The following ROBO1 variants were observed in gnomAD, a reference collection of about 807,000 sequenced individuals.
ROBO1 encodes roundabout guidance receptor 1.
ROBO1 carries 149 observed loss-of-function variants against 195.9 expected under a neutral mutation model. That is an observed-to-expected ratio of 0.76 (90% CI 0.67 to 0.87). The LOEUF is 0.87. Among genes scored for constraint, ROBO1 ranks in the 40% least tolerant of loss-of-function variants. The pLI, the probability that ROBO1 is intolerant of heterozygous loss-of-function variation, is 0.00. For missense variants in ROBO1, 1,933 were observed against 2,068.3 expected (o/e 0.93, Z 1.27); for synonymous variants, 816 against 733.2 (o/e 1.11, Z -1.82).
chr3:79,548,684 T>G (rs944587923), intron 2 of ROBO1, among the ~76,000 whole-genome samples: 4 of 152,204 alleles, frequency 2.6e-5, no homozygotes, highest in African/African-American at 7.2e-5. Flanking sequence ...TGTGGTATAT[T>G]ATATGCACCT....
chr3:79,068,347 C>A (rs1158185236), intron 3 of ROBO1, among the ~76,000 whole-genome samples: 1 of 151,848 alleles, frequency 6.6e-6, no homozygotes, highest in Non-Finnish European at 1.5e-5. Flanking sequence ...AGGGTTTTTA[C>A]CCGTGTTCCT....
intron 1 of ROBO1, among the ~76,000 whole-genome samples, 171 bp from the exon 2 acceptor site, chr3:79,590,132 C>T (rs903697261): frequency 6.6e-6 from 1 of 151,576 alleles, no homozygotes; most frequent in Non-Finnish European, 1.5e-5. Context: ...TTTCATGATA[C>T]ACATTTCAAA....
At chr3:79,279,705 T>C (rs1215929755) in intron 2 of ROBO1, among the ~76,000 whole-genome samples, 1 of 152,150 alleles carries the variant, frequency 6.6e-6, no homozygotes, top group Non-Finnish European at 1.5e-5. Context: ...CTGTAATTAG[T>C]GCTGCAATAA....
chr3:79,760,164 G>T (rs78970628), intron 1 of ROBO1, among the ~76,000 whole-genome samples: 15,980 of 145,706 alleles, frequency 0.11, 906 homozygotes, highest in African/African-American at 0.14. Context: ...TTGAACCTAG[G>T]AGGCGGAGGT....
At chr3:79,026,677 CTA>C (rs1491448220) in intron 3 of ROBO1, among the ~76,000 whole-genome samples, 1 of 151,978 alleles carries the variant, frequency 6.6e-6, no homozygotes, top group Non-Finnish European at 1.5e-5. Flanking sequence ...ATGGGATTTG[CTA>C]TCTTTTGGTT....
chr3:78,747,830 G>A (rs1259284757), intron 4 of ROBO1, among the ~76,000 whole-genome samples: 1 of 152,090 alleles, frequency 6.6e-6, no homozygotes, highest in African/African-American at 2.4e-5. Flanking sequence ...CAGTAAAATT[G>A]TCCCCAGTAT....
intron 1 of ROBO1, among the ~76,000 whole-genome samples, chr3:79,677,540 G>A (rs1184275289): frequency 1.3e-5 from 2 of 152,020 alleles, no homozygotes; most frequent in Admixed American, 1.3e-4. Context: ...AACAGCACAG[G>A]AAAGACCTGC....
intron 4 of ROBO1, among the ~76,000 whole-genome samples, chr3:78,847,299 G>A (rs945352023): frequency 6.6e-6 from 1 of 152,112 alleles, no homozygotes; most frequent in Non-Finnish European, 1.5e-5. Flanking sequence ...ATAGAAAATG[G>A]AAGTTTGGCA....
At chr3:79,747,475 T>C (rs1400117833) in intron 1 of ROBO1, among the ~76,000 whole-genome samples, 9 of 152,038 alleles carry the variant, frequency 5.9e-5, no homozygotes, top group Non-Finnish European at 8.8e-5. Flanking sequence ...AGTAAAATTT[T>C]AATGGAAGAA....
At chr3:79,386,089 C>A (rs1439785648) in intron 2 of ROBO1, among the ~76,000 whole-genome samples, 2 of 152,024 alleles carry the variant, frequency 1.3e-5, no homozygotes, top group Admixed American at 1.3e-4. Context: ...AATGCCTGGA[C>A]ACTACAATAT....
intron 1 of ROBO1, among the ~76,000 whole-genome samples, chr3:79,750,051 A>G (rs111789520): frequency 8.5e-5 from 13 of 152,342 alleles, no homozygotes; most frequent in African/African-American, 3.1e-4. Flanking sequence ...GGGAGGCTGT[A>G]CCCTGCAAAG....
rs1576598193 is a variant in ROBO1, at chr3:79,038,026, GAA to G, written c.172+87428_172+87429del. Among the ~76,000 whole-genome samples, 5 of 152,196 alleles carry G rather than the reference GAA, an allele frequency of 3.3e-5. No individual in the cohort carries two copies. The East Asian group carries it at 9.7e-4, about 29-fold the overall frequency. On this transcript the variant is annotated intron_variant, in intron 3 of 30. Transcript: ENST00000464233. ...TTAAAAATTAGATTTAAACTCATCT[GAA>G]GCAAGAAAGTGCCATATAATAGCAC...
At chr3:79,375,269 C>T (rs1029300452) in intron 2 of ROBO1, among the ~76,000 whole-genome samples, 2 of 152,046 alleles carry the variant, frequency 1.3e-5, no homozygotes, top group African/African-American at 4.8e-5. Context: ...AAAAGATAGA[C>T]AGAGTTGGGA....
At chr3:79,160,335 T>A (rs1160715830) in intron 2 of ROBO1, among the ~76,000 whole-genome samples, 1 of 151,890 alleles carries the variant, frequency 6.6e-6, no homozygotes, top group Non-Finnish European at 1.5e-5. Flanking sequence ...CAAAGACAAT[T>A]TTAAAGTTAG....
At chr3:79,236,558 T>G (rs2082410403) in intron 2 of ROBO1, among the ~76,000 whole-genome samples, 1 of 152,188 alleles carries the variant, frequency 6.6e-6, no homozygotes, top group African/African-American at 2.4e-5. Context: ...AACGTTTAAA[T>G]GAGTATGTCA....
chr3:79,666,309 T>C (rs975920796), intron 1 of ROBO1, among the ~76,000 whole-genome samples: 1 of 152,002 alleles, frequency 6.6e-6, no homozygotes, highest in African/African-American at 2.4e-5. Context: ...ACCTAACTTG[T>C]ATTCCACTGT....
chr3:79,237,398 G>A (rs2082430202), intron 2 of ROBO1, among the ~76,000 whole-genome samples: 1 of 151,706 alleles, frequency 6.6e-6, no homozygotes, highest in African/African-American at 2.4e-5. Context: ...GGAGAATGGC[G>A]GGAACCCAGG....
chr3:79,502,644 G>A (rs531853507), intron 2 of ROBO1, among the ~76,000 whole-genome samples: 2 of 152,234 alleles, frequency 1.3e-5, no homozygotes, highest in Non-Finnish European at 2.9e-5. Flanking sequence ...TCCACCTGCC[G>A]CCCCATGCGA....
At chr3:78,642,091 T>C (rs190401504) in intron 21 of ROBO1, among the ~76,000 whole-genome samples, 23 of 152,256 alleles carry the variant, frequency 1.5e-4, no homozygotes, top group Non-Finnish European at 1.8e-4. Flanking sequence ...GCTACCCTTA[T>C]ATATTCGAGC....
Sources: allele counts gnomAD v4.1 joint callset (sites outside exome capture counted in the v4.1 genomes callset), GRCh38; gene constraint gnomAD v4.1.1; transcripts MANE v1.5; gene names NCBI Gene and HGNC (gene_info 2026-07-23, HGNC 2026-07-21).